Variants in YBEY observed in about 807,000 individuals in gnomAD.
The protein encoded by YBEY is ybeY metalloendoribonuclease, also known as endoribonuclease YbeY.
A neutral mutation model predicts 13.5 loss-of-function variants in YBEY; 15 were observed. That is an observed-to-expected ratio of 1.11 (90% CI 0.75 to 1.72). YBEY has a LOEUF of 1.72. Ranked by LOEUF, YBEY falls within the 40% of genes most tolerant of loss-of-function variation. YBEY has a pLI of 0.00. For missense variants in YBEY, 244 were observed against 208.4 expected, an observed-to-expected ratio of 1.17 and a Z score of -1.05; for synonymous variants, 101 against 83.1, an observed-to-expected ratio of 1.21 and a Z score of -1.17.
chr21:46,301,393 T>A (rs1471812428), downstream of YBEY: 1 of 774,974 alleles, frequency 1.3e-6, no homozygotes, highest in African/African-American at 1.9e-5. Context: ...GTGATCCTCC[T>A]GCCTCAGCCT....
At chr21:46,291,715 C>G (rs2081720264) in intron 3 of YBEY, 3 of 1,260,158 alleles carry the variant, frequency 2.4e-6, no homozygotes, top group African/African-American at 1.5e-5. Context: ...GCTTTTATCT[C>G]TGGAGTAGAG....
chr21:46,297,581 C>A lies in YBEY; in HGVS notation c.451C>A (p.Arg151Ser). The change falls in exon 5 of 5, where the codon CGC becomes AGC. Residue 151 changes from arginine to serine, a missense_variant. Arg to Ser is a moderately radical substitution (Grantham distance 110). Transcript: ENST00000397701. The stretch of plus-strand genomic sequence containing the variant: ...GGCGGTGCTGGACGAGCTGGGCCGA[C>A]GCACGGGGACCCGGCTGCAGCCCCT... ...EKAVLDELGR[R>S]TGTRLQPLTR... 11 of 1,387,256 alleles carry A rather than the reference C, an allele frequency of 7.9e-6. No homozygotes were observed. The highest frequency in any genetic ancestry group is 1.0e-5 in the Non-Finnish European group (11 of 1,055,880). The allele number at this position is 1,387,256 out of a possible 1,614,324, so 85.9% of individuals were successfully genotyped here.
chr21:46,304,708 G>A, the YBEY span, among the ~76,000 whole-genome samples: 1 of 152,108 alleles, frequency 6.6e-6, no homozygotes, highest in Non-Finnish European at 1.5e-5. Context: ...AGACTGTGTG[G>A]CTGTATTTCC....
the YBEY span, chr21:46,312,898 T>TATATAGA: frequency 1.6e-6 from 1 of 639,968 alleles, no homozygotes; most frequent in African/African-American, 2.0e-5. Flanking sequence ...CTGTAGTACA[T>TATATAGA]ATATAGAACA....
chr21:46,296,343 C>G, intron 4 of YBEY, 113 bp downstream of exon 4: 1 of 1,132,918 alleles, frequency 8.8e-7, no homozygotes, highest in Non-Finnish European at 1.3e-6. Context: ...AACTGGACCT[C>G]AGACCTGCCC....
intron 3 of YBEY, chr21:46,291,944 C>T (rs1387922630): frequency 2.9e-5 from 19 of 652,878 alleles, no homozygotes; most frequent in Non-Finnish European, 3.6e-5. Flanking sequence ...AGCAGAAAGG[C>T]TGGAGTTATT....
chr21:46,302,458 T>A, downstream of YBEY: 7 of 1,553,316 alleles, frequency 4.5e-6, no homozygotes, highest in Non-Finnish European at 6.2e-6. Context: ...TTCCTTGGCC[T>A]AGGGTTCTGC....
At position 46,286,421 on chromosome 21, in the gene YBEY, TCCGGG is replaced by T. The variant is rs931162096; in HGVS notation, c.-45+8_-45+12del. ...TTTGCTGGGTCCAGACACCGGTACG[TCCGGG>T]CGGGTTTTTAGTCTCCCAAGCGAGA... is the stretch of plus-strand genomic sequence containing the variant. On this transcript the variant is annotated splice_region_variant and intron_variant, in intron 1 of 4. Coordinates refer to ENST00000397701, the MANE Select transcript of YBEY (RefSeq NM_001314025.2). The T allele has an allele frequency of 8.3e-5, 13 of 156,916 alleles. No homozygotes were observed. Among genetic ancestry groups the T allele is most frequent in the African/African-American group, 3.1e-4 (13 of 41,396 alleles). The allele number at this position is 156,916 out of a possible 1,614,324, so 9.7% of individuals were successfully genotyped here. A position where few individuals can be genotyped will look rare whatever the true frequency, so the allele number is the denominator to read the frequency against.
downstream of YBEY, chr21:46,301,875 G>A (rs535508261): frequency 7.8e-5 from 104 of 1,325,436 alleles, no homozygotes; most frequent in African/African-American, 6.3e-4. Context: ...GTCCACACTC[G>A]CGTAGCCACT....
chr21:46,297,451 G>A (rs1405038133), intron 4 of YBEY, 88 bp from the exon 5 acceptor site: 2 of 1,244,070 alleles, frequency 1.6e-6, no homozygotes, highest in Non-Finnish European at 2.1e-6. Context: ...CCCAAACCCT[G>A]TGGGAGGGGC....
At chr21:46,310,864 C>CTAT in the YBEY span, among the ~76,000 whole-genome samples, 160 of 150,602 alleles carry the variant, frequency 1.1e-3, 1 homozygote, top group Middle Eastern at 3.5e-3. Flanking sequence ...TATTTAAAAG[C>CTAT]TATTATTATT....
chr21:46,297,335 G>T (rs1451058543), intron 4 of YBEY, among the ~76,000 whole-genome samples: 2 of 139,086 alleles, frequency 1.4e-5, no homozygotes, highest in South Asian at 5.0e-4. Context: ...TTATTCTCCC[G>T]GCCTGTGGCG....
chr21:46,312,463 C>T, the YBEY span, among the ~76,000 whole-genome samples: 560 of 152,228 alleles, frequency 3.7e-3, 2 homozygotes, highest in African/African-American at 0.013. Flanking sequence ...GGATTACAGG[C>T]GCCTGCCACC....
chr21:46,312,304 C>A, the YBEY span, among the ~76,000 whole-genome samples: 4 of 151,986 alleles, frequency 2.6e-5, no homozygotes, highest in Non-Finnish European at 5.9e-5. Context: ...TAGGAGCAAC[C>A]AACACTTGGT....
the YBEY span, among the ~76,000 whole-genome samples, chr21:46,312,187 G>A: frequency 3.3e-5 from 5 of 152,132 alleles, no homozygotes; most frequent in African/African-American, 1.2e-4. Flanking sequence ...TGAATGGAAA[G>A]GTACTTCAGT....
rs1022798354 is a variant in YBEY, at chr21:46,295,096, G to A, written c.340-1066G>A. Reference sequence around the variant, plus strand: ...TCTGTGGCCAGCAACTGTGGGCGGGGGGGTATGTGGACATCTGCTTCCATT... The same window carrying A: ...TCTGTGGCCAGCAACTGTGGGCGGGAGGGTATGTGGACATCTGCTTCCATT... On this transcript the variant is annotated intron_variant, in intron 3 of 4. Coordinates refer to ENST00000397701, the MANE Select transcript of YBEY (RefSeq NM_001314025.2). Among the ~76,000 whole-genome samples the A allele has an allele frequency of 2.0e-5, 3 of 152,156 alleles. No individual in the cohort carries two copies. The East Asian group carries it at 5.8e-4, about 29-fold the overall frequency.
intron 4 of YBEY, among the ~76,000 whole-genome samples, chr21:46,296,602 C>A (rs2081960811): frequency 6.6e-6 from 1 of 152,194 alleles, no homozygotes; most frequent in Non-Finnish European, 1.5e-5. Flanking sequence ...CCTACGGAGG[C>A]CCACGTGGGC....
downstream of YBEY, among the ~76,000 whole-genome samples, chr21:46,299,750 G>GCCCCCCCCCCCCCCCCCCCCCCC (rs545785598): frequency 2.0e-4 from 29 of 147,154 alleles, no homozygotes; most frequent in African/African-American, 3.1e-4. Context: ...TGTGCCCTGA[G>GCCCCCCCCCCCCCCCCCCCCCCC]CCCCCCCCAC....
chr21:46,298,548 T>G (rs904696612), downstream of YBEY, among the ~76,000 whole-genome samples: 26 of 150,482 alleles, frequency 1.7e-4, no homozygotes, highest in South Asian at 8.5e-4. Context: ...TCCTGCTTCA[T>G]CCTCCCGAGT....
Sources: gnomAD v4.1 joint callset for allele counts (sites outside exome capture counted in the v4.1 genomes callset) on GRCh38, gnomAD v4.1.1 for gene constraint, MANE v1.5 for transcripts, NCBI Gene and HGNC (gene_info 2026-07-23, HGNC 2026-07-21) for gene names.